CHLSN: variants seen among roughly 807,000 people sequenced by gnomAD.
CHLSN encodes cholesin.
At chr7:1,137,861 G>A in the CHLSN span, 1 of 152,202 alleles carries the variant, frequency 6.6e-6, no homozygotes. Flanking sequence ...CAATCAGGGC[G>A]TCTTCAGAGA....
chr7:1,017,729 G>C, the CHLSN span, among the ~76,000 whole-genome samples: 3 of 151,776 alleles, frequency 2.0e-5, no homozygotes, highest in Non-Finnish European at 4.4e-5. Flanking sequence ...CGCGGACGGC[G>C]GGATAAGGGG....
chr7:983,341 C>T, the CHLSN span: 5 of 1,538,060 alleles, frequency 3.3e-6, no homozygotes, highest in Non-Finnish European at 4.4e-6. Flanking sequence ...CGTCGGGAAC[C>T]TGCACTTGCT....
the CHLSN span, among the ~76,000 whole-genome samples, chr7:1,053,724 G>A: frequency 6.6e-6 from 1 of 152,236 alleles, no homozygotes; most frequent in Non-Finnish European, 1.5e-5. Flanking sequence ...CTATTCGGGA[G>A]GCTGAGGCAG....
chr7:1,097,657 T>A, the CHLSN span, among the ~76,000 whole-genome samples: 1 of 152,158 alleles, frequency 6.6e-6, no homozygotes. The surrounding 1 kb of genome is among the most constrained non-coding windows in gnomAD (Gnocchi z 4.3). Flanking sequence ...TGCAGGGGAC[T>A]GCAGAGCCTA....
the CHLSN span, among the ~76,000 whole-genome samples, chr7:1,054,319 C>T: frequency 6.6e-6 from 1 of 152,222 alleles, no homozygotes; most frequent in Non-Finnish European, 1.5e-5. Context: ...ATCATTGATA[C>T]CTGGTGAACT....
chr7:1,017,803 C>T, the CHLSN span, among the ~76,000 whole-genome samples: 3 of 152,192 alleles, frequency 2.0e-5, no homozygotes, highest in Admixed American at 6.5e-5. Context: ...TCTGCCCCCG[C>T]CCCCCACTGC....
the CHLSN span, among the ~76,000 whole-genome samples, chr7:1,006,013 G>A: frequency 0.022 from 3,427 of 152,342 alleles, 129 homozygotes; most frequent in East Asian, 0.19. Flanking sequence ...CAGTTATATG[G>A]AAAGTAAATC....
At chr7:1,049,216 C>T in the CHLSN span, among the ~76,000 whole-genome samples, 2 of 152,238 alleles carry the variant, frequency 1.3e-5, no homozygotes, top group South Asian at 2.1e-4. Flanking sequence ...CCCCTGCACA[C>T]GTGTCCGTTC....
At chr7:1,060,099 T>C in the CHLSN span, among the ~76,000 whole-genome samples, 1 of 151,872 alleles carries the variant, frequency 6.6e-6, no homozygotes, top group Non-Finnish European at 1.5e-5. Context: ...TCAGCCTGGC[T>C]GGAGACCTTC....
chr7:1,058,504 A>G, the CHLSN span: 3 of 779,404 alleles, frequency 3.8e-6, no homozygotes, highest in African/African-American at 3.4e-5. Flanking sequence ...GGGGTGCAGC[A>G]GGTGCTGGCG....
the CHLSN span, among the ~76,000 whole-genome samples, chr7:1,115,320 C>T: frequency 3.3e-3 from 500 of 152,356 alleles, no homozygotes; most frequent in Middle Eastern, 0.024. Flanking sequence ...ACTGCCCACC[C>T]TTCGGGAAAC....
chr7:1,004,640 G>C, the CHLSN span, among the ~76,000 whole-genome samples: 1 of 152,194 alleles, frequency 6.6e-6, no homozygotes, highest in African/African-American at 2.4e-5. Flanking sequence ...GGGGCGGGTG[G>C]GGTGCTCAGT....
At chr7:1,028,378 G>A in the CHLSN span, 19 of 988,036 alleles carry the variant, frequency 1.9e-5, no homozygotes, top group African/African-American at 5.2e-5. Context: ...GCGCATGCCC[G>A]GCCGGCCCGG....
chr7:1,130,573 C>A, the CHLSN span, among the ~76,000 whole-genome samples: 6 of 151,770 alleles, frequency 4.0e-5, no homozygotes, highest in Non-Finnish European at 8.8e-5. Flanking sequence ...CCCAGGGCCA[C>A]CCCCTCACCC....
At chr7:988,067 T>A in the CHLSN span, among the ~76,000 whole-genome samples, 1 of 135,620 alleles carries the variant, frequency 7.4e-6, no homozygotes, top group Non-Finnish European at 1.5e-5. Flanking sequence ...TCTCCATGCA[T>A]CCTGGGTGTC....
the CHLSN span, among the ~76,000 whole-genome samples, chr7:1,050,635 C>T: frequency 1.3e-3 from 193 of 152,348 alleles, 9 homozygotes; most frequent in East Asian, 0.033. Context: ...GCAGCCTTCC[C>T]GGGCTTGGAA....
the CHLSN span, among the ~76,000 whole-genome samples, chr7:1,036,167 G>A: frequency 1.3e-5 from 2 of 152,244 alleles, no homozygotes; most frequent in South Asian, 4.1e-4. Flanking sequence ...GCTGCTGCGT[G>A]TGGTGCTGTA....
chr7:1,118,465 A>G, the CHLSN span, among the ~76,000 whole-genome samples: 1 of 152,324 alleles, frequency 6.6e-6, no homozygotes, highest in South Asian at 2.1e-4. Context: ...TGACACACCA[A>G]AGGAGGAAAC....
At chr7:1,016,548 CCAGCGCACAG>C in the CHLSN span, among the ~76,000 whole-genome samples, 10 of 145,734 alleles carry the variant, frequency 6.9e-5, no homozygotes, top group South Asian at 8.7e-4. Context: ...GCAGCGCACG[CCAGCGCACAG>C]CAGCGCACAC....
Sources: allele counts gnomAD v4.1 joint callset (sites outside exome capture counted in the v4.1 genomes callset), GRCh38; gene constraint gnomAD v4.1.1; non-coding constraint Gnocchi (gnomAD v3.1); transcripts MANE v1.5; gene names NCBI Gene and HGNC (gene_info 2026-07-23, HGNC 2026-07-21).